XYLT1: variants seen among roughly 807,000 people sequenced by gnomAD.
XYLT1 encodes xylosyltransferase 1, also known as beta-D-xylosyltransferase 1.
Under a neutral mutation model 91.3 loss-of-function variants are expected in XYLT1, and 36 were observed. The ratio of observed to expected loss-of-function variants is 0.39; its 90% CI spans 0.30 to 0.52. The LOEUF is 0.52. Ranked by LOEUF, XYLT1 falls within the 20% of genes least tolerant of loss-of-function variation. XYLT1 has a pLI of 0.68. For synonymous variants in XYLT1, 588 were observed against 532.0 expected (o/e 1.11, Z -1.45); for missense variants, 1,242 against 1,284.5 (o/e 0.97, Z 0.51).
At chr16:17,347,869 G>A (rs1052477196) in intron 2 of XYLT1, among the ~76,000 whole-genome samples, 1 of 152,222 alleles carries the variant, frequency 6.6e-6, no homozygotes, top group African/African-American at 2.4e-5. Flanking sequence ...GCCAGGAGCT[G>A]TCACCACCCT....
intron 3 of XYLT1, among the ~76,000 whole-genome samples, chr16:17,231,745 A>T (rs978576706): frequency 1.3e-5 from 2 of 152,266 alleles, no homozygotes; most frequent in South Asian, 4.1e-4. Flanking sequence ...GCATATCTAA[A>T]CATAGAAAAG....
At chr16:17,371,158 G>A (rs2035527194) in intron 1 of XYLT1, among the ~76,000 whole-genome samples, 1 of 152,200 alleles carries the variant, frequency 6.6e-6, no homozygotes, top group African/African-American at 2.4e-5. Flanking sequence ...GGAATACAAG[G>A]CAGAGAGCAA....
In XYLT1 at chr16:17,108,671, G is replaced by A; in HGVS notation, c.*24C>T. 1 of 1,536,106 alleles carries A rather than the reference G, an allele frequency of 6.5e-7. No homozygotes were observed. Among genetic ancestry groups the A allele is most frequent in the Non-Finnish European group, 8.8e-7 (1 of 1,142,370 alleles). On this transcript the variant is annotated 3_prime_UTR_variant, in exon 12 of 12. Transcript: ENST00000261381. The stretch of plus-strand genomic sequence containing the variant: ...GCTGCTTTCCCGTTGAGATCCTGCT[G>A]TGGCCCACTCCTCGTGCCCAGTGCT...
intron 3 of XYLT1, chr16:17,250,536 C>G (rs2033520805): frequency 6.6e-6 from 1 of 152,246 alleles, no homozygotes; most frequent in Non-Finnish European, 1.5e-5. Flanking sequence ...TATTTATGAT[C>G]TGGCCCTTTA....
At chr16:17,280,049 G>A (rs2034033976) in intron 2 of XYLT1, among the ~76,000 whole-genome samples, 1 of 152,076 alleles carries the variant, frequency 6.6e-6, no homozygotes, top group Non-Finnish European at 1.5e-5. Context: ...CATGGTCAGG[G>A]ATATCTAAAA....
intron 5 of XYLT1, among the ~76,000 whole-genome samples, chr16:17,197,306 ATCT>A (rs2032449347): frequency 6.6e-6 from 1 of 151,670 alleles, no homozygotes; most frequent in African/African-American, 2.4e-5. Context: ...TCTCTTTTTC[ATCT>A]TCTTCTGTTC....
At chr16:17,256,241 C>A (rs1019290876) in intron 3 of XYLT1, among the ~76,000 whole-genome samples, 2 of 152,068 alleles carry the variant, frequency 1.3e-5, no homozygotes, top group African/African-American at 4.8e-5. Flanking sequence ...ATTCTGTGAC[C>A]AGTGGTAAAC....
chr16:17,192,094 T>C lies in XYLT1; in HGVS notation c.1289+6118A>G, dbSNP rs534606393. 7.4e-3 allele frequency among the ~76,000 whole-genome samples: 721 copies of C among 97,900 alleles called. 2 individuals carry two copies. Among genetic ancestry groups the C allele is most frequent in the African/African-American group, 0.017 (446 of 26,252 alleles). 64.2% of individuals were successfully genotyped at this position (97,900 alleles called of 152,430 possible). On this transcript the variant is annotated intron_variant, in intron 5 of 11. Coordinates refer to ENST00000261381, the MANE Select transcript of XYLT1 (RefSeq NM_022166.4). ...AGGCGTGAGGTCTCTCTCTCTCTCT[T>C]TTTTTTTTTTTTTTTTTTTTTTAGA...
intron 5 of XYLT1, among the ~76,000 whole-genome samples, chr16:17,183,571 C>T (rs2032116096): frequency 6.6e-6 from 1 of 152,218 alleles, no homozygotes; most frequent in Admixed American, 6.5e-5. Flanking sequence ...GCCTTGGTTT[C>T]TTCATACTGC....
chr16:17,421,718 G>A (rs113831621), intron 1 of XYLT1, among the ~76,000 whole-genome samples: 3 of 152,210 alleles, frequency 2.0e-5, no homozygotes, highest in Non-Finnish European at 2.9e-5. Flanking sequence ...ACATGGAGCC[G>A]AGACAAACCT....
intron 1 of XYLT1, among the ~76,000 whole-genome samples, chr16:17,404,345 C>T (rs1010188979): frequency 1.3e-5 from 2 of 152,136 alleles, no homozygotes; most frequent in Non-Finnish European, 2.9e-5. Context: ...AGGATGAGGG[C>T]GTGGAGCAGG....
At chr16:17,135,770 TTATATTCAG>T (rs1275221602) in intron 8 of XYLT1, among the ~76,000 whole-genome samples, 1 of 152,198 alleles carries the variant, frequency 6.6e-6, no homozygotes, top group Non-Finnish European at 1.5e-5. Context: ...GTGTTATACT[TTATATTCAG>T]TAAAAGGCCA....
intron 1 of XYLT1, among the ~76,000 whole-genome samples, chr16:17,443,485 C>A (rs2036556381): frequency 1.3e-5 from 2 of 152,124 alleles, no homozygotes; most frequent in Admixed American, 6.5e-5. Flanking sequence ...TCTCTCTCTC[C>A]AGCCACCATG....
chr16:17,118,285 C>CGAACGAAT (rs146083737), intron 10 of XYLT1, among the ~76,000 whole-genome samples: 6 of 151,352 alleles, frequency 4.0e-5, no homozygotes, highest in Admixed American at 6.6e-5. Context: ...AATGAATGAA[C>CGAACGAAT]GAATGAATGA....
Position 17,219,900 on chromosome 16 carries a change from G to A in XYLT1, c.914-19246C>T, listed in dbSNP as rs139708328. On this transcript the variant is annotated intron_variant, in intron 3 of 11. Transcript: ENST00000261381. ...AAAAAAATTAGCAGGGCGTGGTGGT[G>A]CATGCCTGTAGTCCCAGCTACTTGG... 9.4e-4 allele frequency among the ~76,000 whole-genome samples: 143 copies of A among 152,296 alleles called. 1 individual carries two copies. In the East Asian group the frequency reaches 0.02, roughly 22 times the overall value.
At position 17,305,135 on chromosome 16, in the gene XYLT1, A is replaced by G. The variant is rs73529394; in HGVS notation, c.403-45637T>C. Among the ~76,000 whole-genome samples the G allele has an allele frequency of 5.0e-3, 756 of 152,256 alleles. 8 individuals are homozygous for G. The highest frequency in any genetic ancestry group is 0.018 in the African/African-American group (730 of 41,550). On this transcript the variant is annotated intron_variant, in intron 2 of 11. Coordinates refer to ENST00000261381, the MANE Select transcript of XYLT1 (RefSeq NM_022166.4). ...ACAAAGGAGGCGACAGAGGTTCAGC[A>G]AAGTGCTGACTGCAAAGCCATCCCA...
At chr16:17,255,774 G>A (rs1415251430) in intron 3 of XYLT1, among the ~76,000 whole-genome samples, 7 of 152,122 alleles carry the variant, frequency 4.6e-5, no homozygotes, top group Non-Finnish European at 7.4e-5. Context: ...TTGGGAGGCC[G>A]AGGTGTGTGG....
At chr16:17,301,174 G>A (rs566600960) in intron 2 of XYLT1, among the ~76,000 whole-genome samples, 1 of 152,274 alleles carries the variant, frequency 6.6e-6, no homozygotes, top group South Asian at 2.1e-4. Context: ...ACTTCGGGAG[G>A]CTGAGGCGGG....
At chr16:17,443,868 T>C (rs2036561241) in intron 1 of XYLT1, among the ~76,000 whole-genome samples, 1 of 152,184 alleles carries the variant, frequency 6.6e-6, no homozygotes, top group Admixed American at 6.5e-5. Context: ...GCTGATCCTT[T>C]TCCTGCTTTG....
Sources: gnomAD v4.1 joint callset for allele counts (sites outside exome capture counted in the v4.1 genomes callset) on GRCh38, gnomAD v4.1.1 for gene constraint, MANE v1.5 for transcripts, NCBI Gene and HGNC (gene_info 2026-07-23, HGNC 2026-07-21) for gene names.